FAM91A1: variants seen among roughly 807,000 people sequenced by gnomAD.
The protein encoded by FAM91A1 is family with sequence similarity 91 member A1, also known as protein FAM91A1.
In FAM91A1, 41 loss-of-function variants were observed where a neutral mutation model predicts 113.5. That is an observed-to-expected ratio of 0.36 (90% CI 0.28 to 0.47). The LOEUF (loss-of-function observed/expected upper bound fraction) is 0.47. Among genes scored for constraint, FAM91A1 ranks in the 20% least tolerant of loss-of-function variants. The probability of loss-of-function intolerance (pLI) is 1.00; values close to 1 mark genes in which losing one functional copy is unlikely to be tolerated. For synonymous variants in FAM91A1, 307 were observed against 347.9 expected, an observed-to-expected ratio of 0.88 and a Z score of 1.31; for missense variants, 696 against 1,001.2, an observed-to-expected ratio of 0.70 and a Z score of 4.11.
Position 123,809,036 on chromosome 8 carries a change from G to C in FAM91A1, c.2261+20G>C, listed in dbSNP as rs1461494412. 1.2e-6 allele frequency: 2 copies of C among 1,606,304 alleles called. No homozygotes were observed. Among genetic ancestry groups the C allele is most frequent in the South Asian group, 2.2e-5 (2 of 90,214 alleles). On this transcript the variant is annotated intron_variant, in intron 22 of 23. Coordinates refer to ENST00000334705, the MANE Select transcript of FAM91A1 (RefSeq NM_144963.4). ...AGAGAGGTGAGGGTTTATATTCGCT[G>C]TCATATTTTCATATCAATTTTTAAG...
rs1235086375 is a variant in FAM91A1 at position 123,806,141 on chromosome 8, C to T, written c.1944C>T (p.Asp648=). The part of the protein sequence containing the change: ...KALQILRNRV[D]LQHLCGYVTM... ...TGCAGATACTAAGGAACAGAGTGGA[C>T]TTACAGCATCTCTGTGGATATGTCA... The change falls in exon 20 of 24, where the codon GAC becomes GAT. Residue 648 remains aspartate (D), a synonymous_variant. Coordinates refer to ENST00000334705, the MANE Select transcript of FAM91A1 (RefSeq NM_144963.4). 1 of 1,613,068 alleles carries T rather than the reference C, an allele frequency of 6.2e-7. No homozygotes were observed. The highest frequency in any genetic ancestry group is 8.5e-7 in the Non-Finnish European group (1 of 1,179,410).
At chr8:123,808,442 G>C in intron 21 of FAM91A1, 66 bp downstream of exon 21, 1 of 1,261,960 alleles carries the variant, frequency 7.9e-7, no homozygotes, top group Non-Finnish European at 1.1e-6. Flanking sequence ...TTATGTTAAG[G>C]CATTTGCATG....
At position 123,812,716 on chromosome 8, in the gene FAM91A1, C is replaced by G; in HGVS notation, c.*12C>G. The G allele has an allele frequency of 6.5e-7, 1 of 1,541,690 alleles. No homozygotes were observed. ...TCCATTTGCAATAATTTGGTTACAC[C>G]ATTTGTTGCTCACACTTTCTGCCTT... On this transcript the variant is annotated 3_prime_UTR_variant, in exon 24 of 24. Transcript: ENST00000334705.
chr8:123,769,461 T>A (rs914350870), intron 1 of FAM91A1, among the ~76,000 whole-genome samples: 4 of 152,200 alleles, frequency 2.6e-5, no homozygotes, highest in Non-Finnish European at 4.4e-5. Flanking sequence ...GGGCCAGATT[T>A]TGAAGGTGCT....
intron 16 of FAM91A1, among the ~76,000 whole-genome samples, chr8:123,799,099 GATA>G (rs1215950478): frequency 5.3e-5 from 8 of 152,164 alleles, no homozygotes; most frequent in African/African-American, 1.7e-4. Flanking sequence ...TGTGATTAAT[GATA>G]ATAATAGCTA....
intron 16 of FAM91A1, among the ~76,000 whole-genome samples, chr8:123,798,677 T>G (rs1395297178): frequency 1.3e-5 from 2 of 152,170 alleles, no homozygotes; most frequent in East Asian, 1.9e-4. Flanking sequence ...GACTTTTACT[T>G]AAAAAATATA....
intron 6 of FAM91A1, 102 bp from the exon 7 acceptor site, chr8:123,779,883 T>C: frequency 1.1e-6 from 1 of 883,774 alleles, no homozygotes; most frequent in East Asian, 2.6e-5. Context: ...TTCATTGAGC[T>C]AATGACATGT....
Position 123,812,520 on chromosome 8 carries a change from A to G in FAM91A1, c.2333A>G (p.Glu778Gly), listed in dbSNP as rs1162696516. 1.3e-6 allele frequency: 2 copies of G among 1,576,322 alleles called. No individual in the cohort carries two copies. Among genetic ancestry groups the G allele is most frequent in the Non-Finnish European group, 1.7e-6 (2 of 1,166,072 alleles). Residue 778 changes from glutamate (E) to glycine (G), a missense_variant and splice_region_variant, in exon 24 of 24, where the codon GAA becomes GGA. Physicochemically the swap from Glu to Gly is moderately conservative, Grantham distance 98 (BLOSUM62 -2). Coordinates refer to ENST00000334705, the MANE Select transcript of FAM91A1 (RefSeq NM_144963.4). ...TTCTCTTGTTTCTTGATCTTTTAGG[A>G]AGGTGCTTCAATATTGGATATTCAC... Reference protein sequence around the residue: ...QVLNFVHSFQEGASILDIHTE... With the variant: ...QVLNFVHSFQGGASILDIHTE...
At chr8:123,809,551 G>A (rs1815899303) in intron 22 of FAM91A1, among the ~76,000 whole-genome samples, 1 of 152,192 alleles carries the variant, frequency 6.6e-6, no homozygotes, top group Non-Finnish European at 1.5e-5. Context: ...TAGCTGCTAA[G>A]AGGCAATGTT....
intron 15 of FAM91A1, among the ~76,000 whole-genome samples, chr8:123,793,359 C>G (rs1054489842): frequency 6.6e-6 from 1 of 152,140 alleles, no homozygotes; most frequent in Non-Finnish European, 1.5e-5. Flanking sequence ...CTGAACCATT[C>G]TGTACTTTGA....
At chr8:123,769,714 A>AAGAT (rs112692638) in intron 1 of FAM91A1, among the ~76,000 whole-genome samples, 16,864 of 152,160 alleles carry the variant, frequency 0.11, 1,490 homozygotes, top group African/African-American at 0.25. Context: ...TTACTAAAGA[A>AAGAT]AGACGTAAAC....
At position 123,778,005 on chromosome 8, in the gene FAM91A1, G is replaced by T; in HGVS notation, c.368-20G>T. 6.2e-7 allele frequency: 1 copy of T among 1,603,600 alleles called. No homozygotes were observed. The highest frequency in any genetic ancestry group is 8.5e-7 in the Non-Finnish European group (1 of 1,172,382). Reference sequence around the variant, plus strand: ...TCAAGATATGTTAAATGTTTTTAAAGGAAAGACTCTTTTTTTCAGGTCTAA... The same window carrying T: ...TCAAGATATGTTAAATGTTTTTAAATGAAAGACTCTTTTTTTCAGGTCTAA... On this transcript the variant is annotated intron_variant, in intron 4 of 23. Transcript: ENST00000334705.
chr8:123,804,338 ATAGT>A (rs1211377546), intron 18 of FAM91A1, among the ~76,000 whole-genome samples: 1 of 151,688 alleles, frequency 6.6e-6, no homozygotes, highest in Non-Finnish European at 1.5e-5. Context: ...ATACAAAAAA[ATAGT>A]TAGCCGGGTG....
chr8:123,788,852 G>A (rs1322028872), intron 14 of FAM91A1, among the ~76,000 whole-genome samples: 1 of 151,960 alleles, frequency 6.6e-6, no homozygotes, highest in East Asian at 1.9e-4. Context: ...TCAGTCTGAG[G>A]CTTAGTTTTT....
rs543953890 is a variant in FAM91A1 at position 123,785,025 on chromosome 8, T to C, written c.811-56T>C. The C allele has an allele frequency of 2.0e-4, 262 of 1,322,740 alleles. No individual in the cohort carries two copies. In the African/African-American group the frequency reaches 3.6e-3, roughly 18 times the overall value. 81.9% of individuals were successfully genotyped at this position (1,322,740 alleles called of 1,614,324 possible). The stretch of plus-strand genomic sequence containing the variant: ...TGATTATATTGGTCTATTACAACTG[T>C]GTAATGTGCTGTTAATTCTAAGAAT... On this transcript the variant is annotated intron_variant, in intron 9 of 23. Transcript: ENST00000334705.
intron 15 of FAM91A1, among the ~76,000 whole-genome samples, chr8:123,790,765 A>G (rs759556516): frequency 4.7e-4 from 72 of 152,316 alleles, no homozygotes; most frequent in Middle Eastern, 6.8e-3. Context: ...CTTGGTATCA[A>G]GTGATTCACT....
chr8:123,794,684 TTC>T, intron 15 of FAM91A1, among the ~76,000 whole-genome samples: 1 of 152,352 alleles, frequency 6.6e-6, no homozygotes, highest in Middle Eastern at 3.4e-3. Flanking sequence ...TCACTCATGG[TTC>T]TCTCATATTT....
At chr8:123,786,770 A>G (rs1187338093) in intron 12 of FAM91A1, among the ~76,000 whole-genome samples, 160 bp downstream of exon 12, 5 of 152,198 alleles carry the variant, frequency 3.3e-5, no homozygotes, top group African/African-American at 1.2e-4. Context: ...AGTCCTAGGT[A>G]TATAAAACTG....
Position 123,778,024 on chromosome 8 carries a change from G to A in FAM91A1, c.368-1G>A. The A allele has an allele frequency of 6.2e-7, 1 of 1,611,222 alleles. No individual in the cohort carries two copies. The highest frequency in any genetic ancestry group is 8.5e-7 in the Non-Finnish European group (1 of 1,178,350). On this transcript the variant is annotated splice_acceptor_variant, in intron 4 of 23. Coordinates refer to ENST00000334705, the MANE Select transcript of FAM91A1 (RefSeq NM_144963.4). LOFTEE classifies it high-confidence loss of function. The stretch of plus-strand genomic sequence containing the variant: ...TTTAAAGGAAAGACTCTTTTTTTCA[G>A]GTCTAAGGCTTCTTGGCATAGGAAG...
Sources: gnomAD v4.1 joint callset for allele counts (sites outside exome capture counted in the v4.1 genomes callset) on GRCh38, gnomAD v4.1.1 for gene constraint, MANE v1.5 for transcripts, NCBI Gene and HGNC (gene_info 2026-07-23, HGNC 2026-07-21) for gene names.